Variants in ABCC4 observed in about 807,000 individuals in gnomAD.
ABCC4 encodes the protein ATP binding cassette subfamily C member 4 (PEL blood group), also known as ATP-binding cassette sub-family C member 4.
ABCC4 carries 102 observed loss-of-function variants against 168.5 expected under a neutral mutation model. The observed-to-expected ratio is 0.61, with a 90% confidence interval of 0.52 to 0.71. The LOEUF (loss-of-function observed/expected upper bound fraction) is 0.71. Ranked by LOEUF, ABCC4 falls within the 30% of genes least tolerant of loss-of-function variation. The probability of loss-of-function intolerance (pLI) is 0.00; values close to 1 mark genes in which losing one functional copy is unlikely to be tolerated. For synonymous variants in ABCC4, 617 were observed against 590.7 expected, an observed-to-expected ratio of 1.04 and a Z score of -0.65; for missense variants, 1,402 against 1,605.8, an observed-to-expected ratio of 0.87 and a Z score of 2.17.
Position 95,173,046 on chromosome 13 carries a change from A to C in ABCC4, c.1728-2418T>G, listed in dbSNP as rs77361809. 2.6e-5 allele frequency among the ~76,000 whole-genome samples: 4 copies of C among 152,236 alleles called. No individual in the cohort carries two copies. In the East Asian group the frequency reaches 7.7e-4, roughly 29 times the overall value. ...GGACTACTCTAAGTGATGAGGATAC[A>C]TCCACTGGTCAAGCAAACAGACAAC... is the stretch of plus-strand genomic sequence containing the variant. On this transcript the variant is annotated intron_variant, in intron 13 of 30. Transcript: ENST00000645237.
intron 1 of ABCC4, among the ~76,000 whole-genome samples, chr13:95,255,519 T>A (rs148712177): frequency 3.3e-5 from 5 of 152,268 alleles, no homozygotes; most frequent in Non-Finnish European, 7.4e-5. Flanking sequence ...ACACCACAGG[T>A]GTTCTCAACA....
At chr13:95,026,675 G>C (rs1478554494) in intron 30 of ABCC4, among the ~76,000 whole-genome samples, 2 of 152,120 alleles carry the variant, frequency 1.3e-5, no homozygotes, top group Non-Finnish European at 2.9e-5. Context: ...GATGGTTTAA[G>C]CCCAGGAGTT....
At chr13:95,161,455 G>C (rs2037097915) in intron 18 of ABCC4, 120 bp from the exon 19 acceptor site, 2 of 716,460 alleles carry the variant, frequency 2.8e-6, no homozygotes, top group Non-Finnish European at 4.2e-6. Context: ...AAAGCATCTG[G>C]ATTCTACATA....
At chr13:95,202,546 G>A (rs1433920897) in intron 8 of ABCC4, among the ~76,000 whole-genome samples, 2 of 151,802 alleles carry the variant, frequency 1.3e-5, no homozygotes, top group Non-Finnish European at 2.9e-5. Context: ...CATACCACCT[G>A]TTGGGGCTGC....
chr13:95,289,124 G>A (rs1396354833), intron 1 of ABCC4, among the ~76,000 whole-genome samples: 15 of 152,182 alleles, frequency 9.9e-5, no homozygotes, highest in Middle Eastern at 3.2e-3. Context: ...TAATCTGAGG[G>A]ATTACTTCAA....
At chr13:95,092,896 C>A (rs1311175677) in intron 20 of ABCC4, among the ~76,000 whole-genome samples, 1 of 151,878 alleles carries the variant, frequency 6.6e-6, no homozygotes, top group Non-Finnish European at 1.5e-5. Flanking sequence ...AAAGATCATT[C>A]AAGGCTACTA....
At chr13:95,083,347 C>T in intron 20 of ABCC4, 57 bp from the exon 21 acceptor site, 1 of 1,588,568 alleles carries the variant, frequency 6.3e-7, no homozygotes, top group Non-Finnish European at 8.6e-7. Context: ...TTCAAAAATA[C>T]TTGCATGAGT....
intron 26 of ABCC4, among the ~76,000 whole-genome samples, chr13:95,058,291 T>TTTGTAAG (rs2033138476): frequency 6.6e-6 from 1 of 152,066 alleles, no homozygotes; most frequent in Non-Finnish European, 1.5e-5. Flanking sequence ...CTGGGAACCT[T>TTTGTAAG]TTGTAAGTTG....
chr13:95,268,405 G>A (rs925186312), intron 1 of ABCC4, among the ~76,000 whole-genome samples: 10 of 152,134 alleles, frequency 6.6e-5, no homozygotes, highest in African/African-American at 2.2e-4. Flanking sequence ...CGTGGGAAGG[G>A]AAAGACCTGA....
intron 15 of ABCC4, 67 bp downstream of exon 15, chr13:95,166,091 C>T: frequency 7.2e-7 from 1 of 1,380,092 alleles, no homozygotes; most frequent in Non-Finnish European, 1.0e-6. Flanking sequence ...ACAGAGTAGA[C>T]CAAAGATCCA....
At chr13:95,074,450 T>C in intron 22 of ABCC4, 126 bp from the exon 23 acceptor site, 12 of 665,792 alleles carry the variant, frequency 1.8e-5, no homozygotes, top group South Asian at 5.8e-5. Context: ...CCAAGGAACC[T>C]TTAGATTCCA....
chr13:95,275,210 G>A (rs959546173), intron 1 of ABCC4, among the ~76,000 whole-genome samples: 1 of 152,220 alleles, frequency 6.6e-6, no homozygotes, highest in African/African-American at 2.4e-5. Context: ...ATGGTATGAA[G>A]TTTGGAGAGG....
At chr13:95,038,085 G>A (rs1268234430) in intron 29 of ABCC4, among the ~76,000 whole-genome samples, 1 of 152,014 alleles carries the variant, frequency 6.6e-6, no homozygotes, top group Non-Finnish European at 1.5e-5. Context: ...AAACTCCTGA[G>A]CTCAAAGCGA....
In ABCC4 at chr13:95,128,272, TTAATGGTCAAATACTTG is replaced by T. The variant is rs529546163; in HGVS notation, c.2456-12288_2456-12272del. Among the ~76,000 whole-genome samples the T allele has an allele frequency of 2.4e-4, 36 of 152,326 alleles. No homozygotes were observed. In the South Asian group the frequency reaches 7.3e-3, roughly 31 times the overall value. Reference sequence around the variant, plus strand: ...GAACTCTATACACATTGGAGTCTATTTAATGGTCAAATACTTGGCAGGATCCTAGTTAAACAATGATT... The same window carrying T: ...GAACTCTATACACATTGGAGTCTATTGCAGGATCCTAGTTAAACAATGATT... On this transcript the variant is annotated intron_variant, in intron 19 of 30. Transcript: ENST00000645237.
At chr13:95,065,682 G>A (rs1335964650) in intron 25 of ABCC4, among the ~76,000 whole-genome samples, 3 of 152,122 alleles carry the variant, frequency 2.0e-5, no homozygotes, top group African/African-American at 7.2e-5. Flanking sequence ...TAAATTCTTA[G>A]ATGTGGAATT....
chr13:95,292,700 C>G (rs778845135), intron 1 of ABCC4, among the ~76,000 whole-genome samples: 1 of 152,148 alleles, frequency 6.6e-6, no homozygotes, highest in Non-Finnish European at 1.5e-5. Flanking sequence ...GATTCCTGTA[C>G]TGAGTGTGGG....
At chr13:95,022,113 A>T (rs2031121967) in intron 30 of ABCC4, among the ~76,000 whole-genome samples, 1 of 152,192 alleles carries the variant, frequency 6.6e-6, no homozygotes, top group Admixed American at 6.5e-5. Flanking sequence ...TAATCCCTAT[A>T]TTTTATAAAC....
chr13:95,053,157 T>C lies in ABCC4; in HGVS notation c.3394A>G (p.Arg1132Gly), dbSNP rs990568834. ...QEPVLFTGTM[R>G]KNLDPFNEHT... ...TCATTAAAGGGATCCAGGTTTTTCC[T>C]CATTGTTCCAGTGAACAAAACAGGT... The change falls in exon 27 of 31, where the codon AGG becomes GGG. Residue 1132 changes from arginine (R) to glycine (G), a missense_variant. Transcript: ENST00000645237. The C allele has an allele frequency of 1.1e-5, 17 of 1,614,156 alleles. No homozygotes were observed. Among genetic ancestry groups the C allele is most frequent in the Non-Finnish European group, 1.4e-5 (17 of 1,179,990 alleles).
At chr13:95,207,696 T>C in intron 7 of ABCC4, 104 bp downstream of exon 7, 3 of 1,275,784 alleles carry the variant, frequency 2.4e-6, no homozygotes, top group Non-Finnish European at 2.2e-6. Context: ...TGGATTGTAC[T>C]GAACTTCCCA....
Sources: gnomAD v4.1 joint callset for allele counts (sites outside exome capture counted in the v4.1 genomes callset) on GRCh38, gnomAD v4.1.1 for gene constraint, MANE v1.5 for transcripts, NCBI Gene and HGNC (gene_info 2026-07-23, HGNC 2026-07-21) for gene names.